Variants in COBLL1 observed in about 807,000 individuals in gnomAD.
COBLL1 encodes cordon-bleu protein-like 1.
COBLL1 carries 50 observed loss-of-function variants against 94.8 expected under a neutral mutation model. The ratio of observed to expected loss-of-function variants is 0.53; its 90% CI spans 0.42 to 0.67. The LOEUF (loss-of-function observed/expected upper bound fraction) is 0.67, where lower values mean the gene tolerates loss of function less well. COBLL1 is among the 30% of genes least tolerant of loss of function. The pLI is 0.00. For missense variants in COBLL1, 1,362 were observed against 1,348.7 expected (o/e 1.01, Z -0.15); for synonymous variants, 448 against 473.8 (o/e 0.95, Z 0.71).
At chr2:164,774,535 T>C (rs566532268) in intron 2 of COBLL1, among the ~76,000 whole-genome samples, 10 of 152,332 alleles carry the variant, frequency 6.6e-5, no homozygotes, top group African/African-American at 1.9e-4. Context: ...GACAGAAACT[T>C]TGATACAAAA....
intron 2 of COBLL1, among the ~76,000 whole-genome samples, chr2:164,818,461 C>T: frequency 6.7e-6 from 1 of 149,230 alleles, no homozygotes; most frequent in Non-Finnish European, 1.5e-5. Context: ...ACATTGTATA[C>T]ATATACACAT....
intron 2 of COBLL1, among the ~76,000 whole-genome samples, chr2:164,660,233 C>T (rs970946630): frequency 6.6e-6 from 1 of 152,146 alleles, no homozygotes; most frequent in Non-Finnish European, 1.5e-5. Context: ...CCAAGAGACA[C>T]AGTAATATTG....
chr2:164,695,756 C>A lies in COBLL1; in HGVS notation c.1636G>T (p.Val546Leu), dbSNP rs775260718. The change falls in exon 12 of 14, where the codon GTA (valine) becomes TTA (leucine). Residue 546 changes from valine (V) to leucine (L), a missense_variant. By Grantham distance (32) the Val-to-Leu change is conservative (BLOSUM62 1). Transcript: ENST00000652658. ...TTGTTATTTTTGGCAACACCTTCTA[C>A]ATTGATTTCTGTTTTCTTCACTCCA... ...KNGVKKTEIN[V>L]EGVAKNNNID... 6.2e-7 allele frequency: 1 copy of A among 1,613,164 alleles called. No individual in the cohort carries two copies. Among genetic ancestry groups the A allele is most frequent in the Admixed American group, 1.7e-5 (1 of 59,930 alleles).
intron 2 of COBLL1, among the ~76,000 whole-genome samples, chr2:164,839,756 C>A (rs1219195697): frequency 6.6e-6 from 1 of 152,130 alleles, no homozygotes; most frequent in Non-Finnish European, 1.5e-5. Context: ...CACTTAGGAA[C>A]CTTGCTTGTA....
downstream of COBLL1, among the ~76,000 whole-genome samples, chr2:164,679,291 C>G (rs1288953497): frequency 1.3e-5 from 2 of 152,024 alleles, no homozygotes; most frequent in Non-Finnish European, 2.9e-5. Flanking sequence ...TACCAGCCAT[C>G]CATCAGGTTT....
chr2:164,761,914 C>T (rs1424389271), intron 2 of COBLL1, among the ~76,000 whole-genome samples: 1 of 152,186 alleles, frequency 6.6e-6, no homozygotes, highest in Non-Finnish European at 1.5e-5. Flanking sequence ...CACCTTTTCT[C>T]AGCAAAGAAT....
chr2:164,692,217 T>C lies in COBLL1; in HGVS notation c.3300+4A>G. ...CTGTCACCCATCTGATAAAGAAGACTTACCCTTTTCAATTTGGCAGCAGCC... is the reference window on the plus strand; with the variant it reads ...CTGTCACCCATCTGATAAAGAAGACCTACCCTTTTCAATTTGGCAGCAGCC... On this transcript the variant is annotated splice_donor_region_variant and intron_variant, in intron 13 of 13. Coordinates refer to ENST00000652658, the MANE Select transcript of COBLL1 (RefSeq NM_001365672.2). 1 of 1,596,842 alleles carries C rather than the reference T, an allele frequency of 6.3e-7. No homozygotes were observed. Among genetic ancestry groups the C allele is most frequent in the East Asian group, 2.3e-5 (1 of 44,312 alleles).
downstream of COBLL1, among the ~76,000 whole-genome samples, chr2:164,676,156 T>C (rs1286437184): frequency 1.3e-5 from 2 of 152,196 alleles, no homozygotes; most frequent in Non-Finnish European, 2.9e-5. Context: ...AGAAGTGTTT[T>C]CCGAATTTAA....
chr2:164,809,197 A>G (rs1330707249), intron 2 of COBLL1, among the ~76,000 whole-genome samples: 1 of 152,096 alleles, frequency 6.6e-6, no homozygotes, highest in African/African-American at 2.4e-5. Flanking sequence ...TCGCCCTTCA[A>G]TAGAAATCAC....
At chr2:164,717,244 TAAATA>T (rs1353431779) in intron 7 of COBLL1, among the ~76,000 whole-genome samples, 1 of 152,200 alleles carries the variant, frequency 6.6e-6, no homozygotes, top group African/African-American at 2.4e-5. Flanking sequence ...CAATAAAAAT[TAAATA>T]AAAGTGTCTA....
At position 164,805,336 on chromosome 2, in the gene COBLL1, T is replaced by TATTTATATATATATATAAATATATATA. The variant is rs1559033598; in HGVS notation, c.41+35819_41+35820insTATATATATTTATATATATATATAAAT. Reference sequence around the variant, plus strand: ...CTCTCTCTCTCTCTCTCTCTCTCTCTCTATATATATATATATATATATATA... The same window carrying TATTTATATATATATATAAATATATATA: ...CTCTCTCTCTCTCTCTCTCTCTCTCTATTTATATATATATATAAATATATATACTATATATATATATATATATATATA... On this transcript the variant is annotated intron_variant, in intron 2 of 13. Coordinates refer to ENST00000652658, the MANE Select transcript of COBLL1 (RefSeq NM_001365672.2). 3.5e-3 allele frequency among the ~76,000 whole-genome samples: 214 copies of TATTTATATATATATATAAATATATATA among 60,340 alleles called. 28 individuals carry two copies. Among genetic ancestry groups the TATTTATATATATATATAAATATATATA allele is most frequent in the Non-Finnish European group, 6.0e-3 (182 of 30,334 alleles). 39.6% of individuals were successfully genotyped at this position (60,340 alleles called of 152,430 possible). A position where few individuals can be genotyped will look rare whatever the true frequency, so the allele number is the denominator to read the frequency against.
At chr2:164,818,469 CAT>C (rs919257862) in intron 2 of COBLL1, among the ~76,000 whole-genome samples, 1 of 149,202 alleles carries the variant, frequency 6.7e-6, no homozygotes, top group Non-Finnish European at 1.5e-5. Context: ...TACATATACA[CAT>C]ATTTACAATG....
chr2:164,693,880 C>G (rs1683748765), intron 12 of COBLL1, among the ~76,000 whole-genome samples: 1 of 152,064 alleles, frequency 6.6e-6, no homozygotes, highest in Non-Finnish European at 1.5e-5. Context: ...TTCATTAAGA[C>G]TATTTCCTTT....
At chr2:164,666,872 A>G (rs1691167019) in intron 1 of COBLL1, among the ~76,000 whole-genome samples, 1 of 152,140 alleles carries the variant, frequency 6.6e-6, no homozygotes, top group African/African-American at 2.4e-5. Flanking sequence ...TGGAGTCTTG[A>G]ACCCTTCCAA....
chr2:164,789,898 T>C (rs542055636), intron 2 of COBLL1, among the ~76,000 whole-genome samples: 1 of 152,246 alleles, frequency 6.6e-6, no homozygotes, highest in Non-Finnish European at 1.5e-5. Context: ...ATTGGACTGA[T>C]TACGAACACG....
At chr2:164,778,094 T>C (rs1023520232) in intron 2 of COBLL1, among the ~76,000 whole-genome samples, 3 of 152,122 alleles carry the variant, frequency 2.0e-5, no homozygotes, top group African/African-American at 7.2e-5. Flanking sequence ...GTGCTTCTAA[T>C]AGGATGGCTC....
Position 164,772,325 on chromosome 2 carries a change from T to C in COBLL1, c.42-28450A>G, listed in dbSNP as rs570735258. Among the ~76,000 whole-genome samples, 360 of 152,158 alleles carry C rather than the reference T, an allele frequency of 2.4e-3. 2 individuals are homozygous for C. The highest frequency in any genetic ancestry group is 8.2e-3 in the African/African-American group (340 of 41,554). ...TGTAAATCTCATGTATTTATTTTTATAGGAAATTTACATTTGAATTATATA... is the reference window on the plus strand; with the variant it reads ...TGTAAATCTCATGTATTTATTTTTACAGGAAATTTACATTTGAATTATATA... On this transcript the variant is annotated intron_variant, in intron 2 of 13. Coordinates refer to ENST00000652658, the MANE Select transcript of COBLL1 (RefSeq NM_001365672.2).
At chr2:164,665,688 A>G (rs890257800) in intron 2 of COBLL1, among the ~76,000 whole-genome samples, 4 of 152,222 alleles carry the variant, frequency 2.6e-5, no homozygotes, top group Non-Finnish European at 4.4e-5. Context: ...ATTAATTCAA[A>G]TGTTGTTTGA....
intron 2 of COBLL1, among the ~76,000 whole-genome samples, chr2:164,751,582 G>A (rs1687128175): frequency 6.6e-6 from 1 of 151,954 alleles, no homozygotes; most frequent in Non-Finnish European, 1.5e-5. Flanking sequence ...AATCTTATGA[G>A]GCCATTGCCA....
Sources: allele counts gnomAD v4.1 joint callset (sites outside exome capture counted in the v4.1 genomes callset), GRCh38; gene constraint gnomAD v4.1.1; transcripts MANE v1.5; gene names NCBI Gene and HGNC (gene_info 2026-07-23, HGNC 2026-07-21).